PRRG1: variants seen among roughly 807,000 people sequenced by gnomAD.
The protein encoded by PRRG1 is proline rich and Gla domain 1.
Under a neutral mutation model 11.8 loss-of-function variants are expected in PRRG1, and 5 were observed. The observed-to-expected ratio is 0.42, with a 90% CI of 0.22 to 0.89. The LOEUF is 0.89. Ranked by LOEUF, PRRG1 falls within the 40% of genes least tolerant of loss-of-function variation. PRRG1 has a pLI of 0.28. For synonymous variants in PRRG1, 66 were observed against 60.4 expected, an observed-to-expected ratio of 1.09 and a Z score of -0.43; for missense variants, 155 against 166.1, an observed-to-expected ratio of 0.93 and a Z score of 0.37.
chrX:37,393,022 A>T (rs1432602660), intron 1 of PRRG1, among the ~76,000 whole-genome samples: 3 of 111,466 alleles, frequency 2.7e-5, no homozygotes, highest in Non-Finnish European at 5.6e-5. Flanking sequence ...GAAACCAACC[A>T]CTGAATTTGC....
chrX:37,446,627 G>A (rs371527497), intron 3 of PRRG1, among the ~76,000 whole-genome samples: 181 of 111,468 alleles, frequency 1.6e-3, no homozygotes, highest in African/African-American at 5.5e-3. Flanking sequence ...CTGTCTTCCC[G>A]TTTTGTGTGT....
chrX:37,420,668 C>CAA (rs1302856034), intron 2 of PRRG1, among the ~76,000 whole-genome samples: 294 of 29,399 alleles, frequency 0.01, 11 homozygotes, highest in African/African-American at 0.035. Flanking sequence ...CCCGTCTATG[C>CAA]AAAAAAAAAA....
chrX:37,406,705 T>A (rs1041238535), intron 2 of PRRG1, among the ~76,000 whole-genome samples: 17 of 111,168 alleles, frequency 1.5e-4, no homozygotes, highest in African/African-American at 2.0e-4. Flanking sequence ...GTAATTTTTT[T>A]AAAAATTTTA....
In PRRG1 at chrX:37,421,372, G is replaced by A. The variant is rs192610880; in HGVS notation, c.11-4468G>A. Reference sequence around the variant, plus strand: ...AACACCTCAGTATTGTGTTCTCAAGGCACATTTACATTCTGTATACTTGTC... The same window carrying A: ...AACACCTCAGTATTGTGTTCTCAAGACACATTTACATTCTGTATACTTGTC... On this transcript the variant is annotated intron_variant, in intron 2 of 3. Coordinates refer to ENST00000378628, the MANE Select transcript of PRRG1 (RefSeq NM_001142395.2). 1.9e-3 allele frequency among the ~76,000 whole-genome samples: 211 copies of A among 111,686 alleles called. 2 individuals carry two copies. Among genetic ancestry groups the A allele is most frequent in the Admixed American group, 8.0e-3 (84 of 10,476 alleles).
chrX:37,349,980 G>A (rs1930001955), intron 1 of PRRG1, among the ~76,000 whole-genome samples: 1 of 106,205 alleles, frequency 9.4e-6, no homozygotes, highest in African/African-American at 3.5e-5. Flanking sequence ...CTGTTTTGTA[G>A]GCAGTGGCGG....
chrX:37,367,211 A>G (rs1156349880), intron 1 of PRRG1, among the ~76,000 whole-genome samples: 3 of 112,499 alleles, frequency 2.7e-5, no homozygotes, highest in Non-Finnish European at 5.6e-5. Context: ...AAAATATGCA[A>G]TACTTGATTT....
At chrX:37,444,128 A>G (rs1183809917) in intron 3 of PRRG1, among the ~76,000 whole-genome samples, 3 of 111,896 alleles carry the variant, frequency 2.7e-5, no homozygotes, top group South Asian at 3.7e-4. Flanking sequence ...TTATGGTCAT[A>G]TAAGTTTCCA....
chrX:37,390,496 G>A (rs1556376347), intron 1 of PRRG1, among the ~76,000 whole-genome samples: 2 of 111,875 alleles, frequency 1.8e-5, no homozygotes, highest in Non-Finnish European at 3.8e-5. Context: ...CTAAGCAGAA[G>A]CCAAAAAGAT....
chrX:37,434,562 G>A (rs1020007407), intron 3 of PRRG1, among the ~76,000 whole-genome samples: 3 of 111,919 alleles, frequency 2.7e-5, no homozygotes, highest in Non-Finnish European at 5.6e-5. Flanking sequence ...TTGATCTGGT[G>A]TCTGAGCTCT....
At chrX:37,358,733 T>A (rs943014798) in intron 1 of PRRG1, among the ~76,000 whole-genome samples, 14 of 108,601 alleles carry the variant, frequency 1.3e-4, no homozygotes, top group East Asian at 1.1e-3. Flanking sequence ...AGTTGTTTTT[T>A]AAAAAAAAAA....
intron 1 of PRRG1, among the ~76,000 whole-genome samples, chrX:37,387,272 C>T (rs1360165965): frequency 8.9e-6 from 1 of 112,170 alleles, no homozygotes; most frequent in Non-Finnish European, 1.9e-5. Flanking sequence ...TGAGCACATA[C>T]TAAGTGTATA....
At chrX:37,444,326 C>T (rs1245771650) in intron 3 of PRRG1, among the ~76,000 whole-genome samples, 2 of 111,926 alleles carry the variant, frequency 1.8e-5, no homozygotes, top group African/African-American at 6.5e-5. Flanking sequence ...CATCAGGTCA[C>T]TGCGGATTCT....
At chrX:37,381,154 A>G (rs1931139526) in intron 1 of PRRG1, among the ~76,000 whole-genome samples, 1 of 111,514 alleles carries the variant, frequency 9.0e-6, no homozygotes, top group Admixed American at 9.5e-5. Flanking sequence ...ACCATCTGAC[A>G]TTGGTCTGAA....
At chrX:37,353,193 A>G (rs1213248607) in intron 1 of PRRG1, among the ~76,000 whole-genome samples, 3 of 111,020 alleles carry the variant, frequency 2.7e-5, no homozygotes, top group African/African-American at 9.8e-5. Flanking sequence ...GATGATCCTG[A>G]CCCTGTGTAG....
At chrX:37,420,216 G>A (rs1556386489) in intron 2 of PRRG1, among the ~76,000 whole-genome samples, 1 of 111,248 alleles carries the variant, frequency 9.0e-6, no homozygotes, top group African/African-American at 3.3e-5. Context: ...ATGGCTATTT[G>A]TTCTGACAAC....
chrX:37,431,094 G>A (rs1556390071), intron 3 of PRRG1, among the ~76,000 whole-genome samples: 1 of 112,125 alleles, frequency 8.9e-6, no homozygotes. Context: ...ATTCATTTTT[G>A]TTTATGAGTA....
At position 37,426,488 on chromosome X, in the gene PRRG1, A is replaced by G. The variant is rs1317479897; in HGVS notation, c.171+488A>G. ...TATTCAAAGAGAGCAGGAATGGGAC[A>G]GCACAAGGCAGGGGTGAAAAGTCTA... On this transcript the variant is annotated intron_variant, in intron 3 of 3. Coordinates refer to ENST00000378628, the MANE Select transcript of PRRG1 (RefSeq NM_001142395.2). Among the ~76,000 whole-genome samples, 7 of 112,134 alleles carry G rather than the reference A, an allele frequency of 6.2e-5. No individual in the cohort carries two copies. In the Admixed American group the frequency reaches 6.6e-4, roughly 11 times the overall value.
At chrX:37,442,339 A>G in intron 3 of PRRG1, 2 of 479,106 alleles carry the variant, frequency 4.2e-6, no homozygotes, top group Non-Finnish European at 5.1e-6. Context: ...GTCCTGTCCC[A>G]TCTGCATGCA....
chrX:37,433,495 C>T (rs1944922805), intron 3 of PRRG1, among the ~76,000 whole-genome samples: 1 of 109,436 alleles, frequency 9.1e-6, no homozygotes. Flanking sequence ...AAGCACTCTA[C>T]CTTAAATTGC....
Sources: allele counts gnomAD v4.1 joint callset (sites outside exome capture counted in the v4.1 genomes callset), GRCh38; gene constraint gnomAD v4.1.1; transcripts MANE v1.5; gene names NCBI Gene and HGNC (gene_info 2026-07-23, HGNC 2026-07-21).